The following COPS8 variants were observed in gnomAD, a reference collection of about 807,000 sequenced individuals.
The protein encoded by COPS8 is COP9 signalosome subunit 8, also known as COP9 signalosome complex subunit 8.
Under a neutral mutation model 31.5 loss-of-function variants are expected in COPS8, and 11 were observed. The observed-to-expected ratio is 0.35, with a 90% confidence interval of 0.22 to 0.58. The LOEUF is 0.58. COPS8 is among the 20% of genes least tolerant of loss of function. The pLI is 0.83. For synonymous variants in COPS8, 81 were observed against 89.3 expected, an observed-to-expected ratio of 0.91 and a Z score of 0.52; for missense variants, 215 against 255.1, an observed-to-expected ratio of 0.84 and a Z score of 1.07.
rs777181775 is a variant in COPS8 at position 237,094,090 on chromosome 2, A to G, written c.332A>G (p.Asp111Gly). 10 of 1,612,902 alleles carry G rather than the reference A, an allele frequency of 6.2e-6. No homozygotes were observed. Among genetic ancestry groups the G allele is most frequent in the Non-Finnish European group, 8.5e-6 (10 of 1,179,492 alleles). Residue 111 changes from aspartate (D) to glycine (G), a missense_variant and splice_region_variant, in exon 5 of 8, where the codon GAT becomes GGT. Transcript: ENST00000354371. ...TVQPIMEALR[D>G]ATRRRAFALV... ...TGCCAACCCACCACTCCCACAATAG[A>G]TGCAACAAGGAGACGCGCCTTTGCC...
At chr2:237,086,097 C>T in intron 1 of COPS8, 55 bp downstream of exon 1, 1 of 1,503,728 alleles carries the variant, frequency 6.7e-7, no homozygotes. Flanking sequence ...GGCCCTGGGG[C>T]GGCACCAGTT....
At position 237,097,798 on chromosome 2, in the gene COPS8, G is replaced by A. The variant is rs1696831750; in HGVS notation, c.*56G>A. The A allele has an allele frequency of 7.7e-7, 1 of 1,302,490 alleles. No individual in the cohort carries two copies. The highest frequency in any genetic ancestry group is 1.2e-5 in the South Asian group (1 of 81,750). The allele number at this position is 1,302,490 out of a possible 1,614,324, so 80.7% of individuals were successfully genotyped here. A position where few individuals can be genotyped will look rare whatever the true frequency, so the allele number is the denominator to read the frequency against. ...AGAATCCTGTATACTGACAAACGTA[G>A]AAATGTAAAGTTTGTATTTTCAATT... On this transcript the variant is annotated 3_prime_UTR_variant, in exon 8 of 8. Coordinates refer to ENST00000354371, the MANE Select transcript of COPS8 (RefSeq NM_006710.5).
At chr2:237,095,090 A>C (rs770157658) in intron 5 of COPS8, among the ~76,000 whole-genome samples, 1 of 152,220 alleles carries the variant, frequency 6.6e-6, no homozygotes, top group Non-Finnish European at 1.5e-5. Flanking sequence ...GGCCTAGCAT[A>C]GTTGTAGATA....
chr2:237,089,919 T>C lies in COPS8; in HGVS notation c.256T>C (p.Phe86Leu). The change falls in exon 4 of 8, where the codon TTC becomes CTC. Residue 86 changes from phenylalanine (F) to leucine (L), a missense_variant. Physicochemically the swap from Phe to Leu is conservative, Grantham distance 22 (BLOSUM62 0). Coordinates refer to ENST00000354371, the MANE Select transcript of COPS8 (RefSeq NM_006710.5). ...AGGACAAAGAATCTGGCAGAGAGATTTCCCTGGGATCTATACAACCATCAA... is the reference window on the plus strand; with the variant it reads ...AGGACAAAGAATCTGGCAGAGAGATCTCCCTGGGATCTATACAACCATCAA... ...SVGQRIWQRD[F>L]PGIYTTINAH... is the part of the protein sequence containing the mutation. 1.2e-6 allele frequency: 2 copies of C among 1,613,686 alleles called. No individual in the cohort carries two copies. Among genetic ancestry groups the C allele is most frequent in the Non-Finnish European group, 8.5e-7 (1 of 1,179,898 alleles).
chr2:237,089,291 CT>C (rs897817913), intron 3 of COPS8, among the ~76,000 whole-genome samples: 5 of 150,010 alleles, frequency 3.3e-5, no homozygotes, highest in Admixed American at 6.6e-5. Flanking sequence ...TATTTTTACT[CT>C]TTTTTTTTCC....
intron 2 of COPS8, 83 bp from the exon 3 acceptor site, chr2:237,088,522 G>A (rs1696656755): frequency 5.3e-6 from 5 of 947,572 alleles, no homozygotes; most frequent in Non-Finnish European, 8.2e-6. Flanking sequence ...TGTATGTTTG[G>A]CTTGGGACCT....
At position 237,089,273 on chromosome 2, in the gene COPS8, C is replaced by G. The variant is rs759249960; in HGVS notation, c.199-589C>G. Among the ~76,000 whole-genome samples, 5 of 152,122 alleles carry G rather than the reference C, an allele frequency of 3.3e-5. No homozygotes were observed. The South Asian group carries it at 6.2e-4, about 19-fold the overall frequency. Reference sequence around the variant, plus strand: ...TGTTTATTGATATTCATCAAGAGATCGGATTAGTATTTTTACTCTTTTTTT... The same window carrying G: ...TGTTTATTGATATTCATCAAGAGATGGGATTAGTATTTTTACTCTTTTTTT... On this transcript the variant is annotated intron_variant, in intron 3 of 7. Transcript: ENST00000354371.
chr2:237,095,726 A>C, intron 5 of COPS8, 96 bp from the exon 6 acceptor site: 1 of 784,380 alleles, frequency 1.3e-6, no homozygotes, highest in Non-Finnish European at 2.3e-6. Flanking sequence ...TACTAAACAC[A>C]TCAGGTCTTC....
chr2:237,097,070 C>T (rs1263717775), intron 7 of COPS8, among the ~76,000 whole-genome samples: 1 of 152,218 alleles, frequency 6.6e-6, no homozygotes, highest in Non-Finnish European at 1.5e-5. Flanking sequence ...AGGCGGTGCC[C>T]TCCTCTGGGC....
chr2:237,098,937 T>C lies in COPS8; in HGVS notation c.*1195T>C, dbSNP rs1439936327. The C allele has an allele frequency of 6.6e-6, 1 of 152,214 alleles. No homozygotes were observed. Among genetic ancestry groups the C allele is most frequent in the African/African-American group, 2.4e-5 (1 of 41,470 alleles). The allele number at this position is 152,214 out of a possible 1,614,324, so 9.4% of individuals were successfully genotyped here. A position where few individuals can be genotyped will look rare whatever the true frequency, so the allele number is the denominator to read the frequency against. On this transcript the variant is annotated 3_prime_UTR_variant, in exon 8 of 8. Coordinates refer to ENST00000354371, the MANE Select transcript of COPS8 (RefSeq NM_006710.5). ...ATTTAACCCGGATAGGTAAGTCATA[T>C]TAAAATTCCTTGTTTTACAGTTGAG...
In COPS8 at chr2:237,089,932, A is replaced by G. The variant is rs766828214; in HGVS notation, c.269A>G (p.Tyr90Cys). The G allele has an allele frequency of 6.2e-7, 1 of 1,613,974 alleles. No homozygotes were observed. Among genetic ancestry groups the G allele is most frequent in the Non-Finnish European group, 8.5e-7 (1 of 1,179,958 alleles). ...RIWQRDFPGI[Y>C]TTINAHQWSE... ...TGGCAGAGAGATTTCCCTGGGATCT[A>G]TACAACCATCAACGCTCACCAGTGG... Residue 90 changes from tyrosine to cysteine, a missense_variant, in exon 4 of 8, where the codon TAT becomes TGT. Coordinates refer to ENST00000354371, the MANE Select transcript of COPS8 (RefSeq NM_006710.5).
intron 4 of COPS8, among the ~76,000 whole-genome samples, chr2:237,091,855 AG>A (rs951507266): frequency 6.6e-6 from 1 of 152,212 alleles, no homozygotes; most frequent in African/African-American, 2.4e-5. Flanking sequence ...AGGCAGGGAA[AG>A]GGCATAGGAA....
rs1696842256 is a variant in COPS8 at position 237,098,449 on chromosome 2, T to C, written c.*707T>C. 1 of 152,234 alleles carries C rather than the reference T, an allele frequency of 6.6e-6. No homozygotes were observed. Among genetic ancestry groups the C allele is most frequent in the South Asian group, 2.1e-4 (1 of 4,838 alleles). The allele number at this position is 152,234 out of a possible 1,614,324, so 9.4% of individuals were successfully genotyped here. Reference sequence around the variant, plus strand: ...GGAGAAACTTAAGTGTGGAATGCATTATATGGGCAAAGAAGCTATGAAGAT... The same window carrying C: ...GGAGAAACTTAAGTGTGGAATGCATCATATGGGCAAAGAAGCTATGAAGAT... On this transcript the variant is annotated 3_prime_UTR_variant, in exon 8 of 8. Coordinates refer to ENST00000354371, the MANE Select transcript of COPS8 (RefSeq NM_006710.5).
At chr2:237,091,334 G>A (rs941804008) in intron 4 of COPS8, among the ~76,000 whole-genome samples, 9 of 152,154 alleles carry the variant, frequency 5.9e-5, no homozygotes, top group African/African-American at 1.9e-4. Flanking sequence ...ACTCCTCAGT[G>A]TCTTATTTTC....
chr2:237,088,185 C>T (rs1447983593), intron 2 of COPS8, among the ~76,000 whole-genome samples: 1 of 152,116 alleles, frequency 6.6e-6, no homozygotes, highest in Non-Finnish European at 1.5e-5. Flanking sequence ...AGCTGTGTCC[C>T]ACTGGTAGGA....
At chr2:237,093,976 T>C (rs995867247) in intron 4 of COPS8, 114 bp from the exon 5 acceptor site, 1 of 1,465,652 alleles carries the variant, frequency 6.8e-7, no homozygotes, top group African/African-American at 1.4e-5. Context: ...AATCTTTGGG[T>C]TCATCTGGCC....
intron 5 of COPS8, 112 bp downstream of exon 5, chr2:237,094,309 G>C (rs901179289): frequency 9.5e-6 from 10 of 1,051,028 alleles, no homozygotes; most frequent in South Asian, 3.3e-5. Context: ...TGGAGTCCAG[G>C]CTGTGTTTTT....
chr2:237,093,568 G>A (rs1201658189), intron 4 of COPS8: 1 of 452,448 alleles, frequency 2.2e-6, no homozygotes, highest in East Asian at 1.6e-4. Flanking sequence ...TTCTTTCAAG[G>A]TGGGAATTTA....
At chr2:237,094,339 G>A in intron 5 of COPS8, 142 bp downstream of exon 5, 1 of 753,134 alleles carries the variant, frequency 1.3e-6, no homozygotes, top group Non-Finnish European at 2.1e-6. Flanking sequence ...ATATGAAACA[G>A]GTGTTGTGGA....
Sources: gnomAD v4.1 joint callset for allele counts (sites outside exome capture counted in the v4.1 genomes callset) on GRCh38, gnomAD v4.1.1 for gene constraint, MANE v1.5 for transcripts, NCBI Gene and HGNC (gene_info 2026-07-23, HGNC 2026-07-21) for gene names.